The following KIF13A variants were observed in gnomAD, a reference collection of about 807,000 sequenced individuals.
KIF13A encodes the protein kinesin family member 13A.
A neutral mutation model predicts 212.2 loss-of-function variants in KIF13A; 79 were observed. That is an observed-to-expected ratio of 0.37 (90% CI 0.31 to 0.45). The LOEUF (loss-of-function observed/expected upper bound fraction) is 0.45, where lower values mean the gene tolerates loss of function less well. Among genes scored for constraint, KIF13A ranks in the 20% least tolerant of loss-of-function variants. The pLI is 1.00. For missense variants in KIF13A, 1,901 were observed against 2,209.0 expected (o/e 0.86, Z 2.79); for synonymous variants, 789 against 808.6 (o/e 0.98, Z 0.41).
At chr6:17,877,588 A>T (rs891987180) in intron 3 of KIF13A, among the ~76,000 whole-genome samples, 1 of 151,978 alleles carries the variant, frequency 6.6e-6, no homozygotes, top group African/African-American at 2.4e-5. Flanking sequence ...TTTCCAGGAC[A>T]TTTCCCTTTT....
At position 17,768,621 on chromosome 6, in the gene KIF13A, T is replaced by C. The variant is rs1222659652; in HGVS notation, c.4581+2493A>G. Among the ~76,000 whole-genome samples, 1 of 152,228 alleles carries C rather than the reference T, an allele frequency of 6.6e-6. No individual in the cohort carries two copies. Among genetic ancestry groups the C allele is most frequent in the Admixed American group, 6.5e-5 (1 of 15,282 alleles). On this transcript the variant is annotated intron_variant, in intron 38 of 38. Coordinates refer to ENST00000259711, the MANE Select transcript of KIF13A (RefSeq NM_022113.6). This position sits in a 1 kb window ranked among gnomAD's most constrained non-coding sequence, Gnocchi z 5.4. ...TATATTTGAAAGCACCTGGAGTCAC[T>C]GGAGTCCCCTTAATTATGCTGAGGA...
At chr6:17,986,767 A>G (rs1198165539) in intron 2 of KIF13A, among the ~76,000 whole-genome samples, 2 of 152,154 alleles carry the variant, frequency 1.3e-5, no homozygotes, top group Admixed American at 6.5e-5. Context: ...CGAATCACCT[A>G]TGGGGTCCCA....
chr6:17,954,937 C>T (rs116124298), intron 2 of KIF13A, among the ~76,000 whole-genome samples: 5,086 of 152,204 alleles, frequency 0.033, 192 homozygotes, highest in African/African-American at 0.088. Flanking sequence ...CCTTGGCCTC[C>T]TAAAGCACTG....
At chr6:17,806,000 G>A (rs1193026367) in intron 18 of KIF13A, among the ~76,000 whole-genome samples, 1 of 150,476 alleles carries the variant, frequency 6.6e-6, no homozygotes, top group Non-Finnish European at 1.5e-5. Context: ...GTGCACTGCA[G>A]CCTTGACCTC....
intron 2 of KIF13A, among the ~76,000 whole-genome samples, chr6:17,981,271 TAA>T (rs1033889044): frequency 2.0e-5 from 3 of 152,038 alleles, no homozygotes; most frequent in African/African-American, 2.4e-5. Context: ...TGCATACAGT[TAA>T]GAGTATTTTT....
intron 33 of KIF13A, among the ~76,000 whole-genome samples, chr6:17,778,611 A>AT (rs995252266): frequency 1.3e-5 from 2 of 152,184 alleles, no homozygotes; most frequent in Non-Finnish European, 2.9e-5. Context: ...TAGCTGTGTA[A>AT]CCATGGGTGA....
At position 17,912,053 on chromosome 6, in the gene KIF13A, C is replaced by T. The variant is rs143179954; in HGVS notation, c.147-13873G>A. Among the ~76,000 whole-genome samples, 164 of 151,914 alleles carry T rather than the reference C, an allele frequency of 1.1e-3. No individual in the cohort carries two copies. Among genetic ancestry groups the T allele is most frequent in the African/African-American group, 3.8e-3 (156 of 41,450 alleles). The stretch of plus-strand genomic sequence containing the variant: ...TGCTGGGATTACAGGCATGAGGCAC[C>T]GGCCATCAATAATAATTTAACTGTA... On this transcript the variant is annotated intron_variant, in intron 2 of 38. Transcript: ENST00000259711. This position sits in a 1 kb window ranked among gnomAD's most constrained non-coding sequence, Gnocchi z 4.2.
intron 2 of KIF13A, among the ~76,000 whole-genome samples, chr6:17,981,437 T>G (rs1211550975): frequency 1.2e-4 from 18 of 149,880 alleles, no homozygotes; most frequent in Non-Finnish European, 3.0e-5. Context: ...TTTTTTTTTT[T>G]TTTTTTGAGA....
intron 38 of KIF13A, among the ~76,000 whole-genome samples, chr6:17,770,107 C>G (rs1759357167): frequency 6.6e-6 from 1 of 152,174 alleles, no homozygotes; most frequent in Non-Finnish European, 1.5e-5. Context: ...AGTTAGTTCT[C>G]ACACAGTGTG....
chr6:17,970,670 T>C (rs1779740661), intron 2 of KIF13A, among the ~76,000 whole-genome samples: 1 of 152,204 alleles, frequency 6.6e-6, no homozygotes, highest in African/African-American at 2.4e-5. Context: ...GGCCTGGCCA[T>C]GAGTGTTAAT....
chr6:17,858,903 A>G (rs1460899246), intron 4 of KIF13A, among the ~76,000 whole-genome samples: 2 of 150,720 alleles, frequency 1.3e-5, no homozygotes, highest in Admixed American at 6.6e-5. Flanking sequence ...TAACTTGAAA[A>G]AAAGCCCAAC....
At chr6:17,862,676 T>C (rs1008274403) in intron 4 of KIF13A, among the ~76,000 whole-genome samples, 1 of 152,036 alleles carries the variant, frequency 6.6e-6, no homozygotes, top group South Asian at 2.1e-4. Context: ...GAGCCGGGCA[T>C]GGTGGTTCAT....
intron 3 of KIF13A, among the ~76,000 whole-genome samples, chr6:17,876,852 A>T (rs1770607635): frequency 6.6e-6 from 1 of 152,142 alleles, no homozygotes. Flanking sequence ...CCAGACTGGT[A>T]TCAAACTCTT....
At chr6:17,798,827 T>C (rs549403220) in intron 22 of KIF13A, among the ~76,000 whole-genome samples, 63 of 152,338 alleles carry the variant, frequency 4.1e-4, no homozygotes, top group African/African-American at 1.4e-3. Context: ...CATTAGAATG[T>C]AATGCTATAT....
At chr6:17,941,104 C>T (rs927614340) in intron 2 of KIF13A, among the ~76,000 whole-genome samples, 2 of 152,126 alleles carry the variant, frequency 1.3e-5, no homozygotes, top group Non-Finnish European at 2.9e-5. Flanking sequence ...GGATTACAGG[C>T]GTGAGCCATT....
intron 2 of KIF13A, among the ~76,000 whole-genome samples, chr6:17,979,141 A>G (rs1044367634): frequency 2.6e-5 from 4 of 152,164 alleles, no homozygotes; most frequent in African/African-American, 9.7e-5. Flanking sequence ...AAAAATACAA[A>G]AATTAGCCAG....
At chr6:17,790,847 C>T (rs1761472207) in intron 25 of KIF13A, among the ~76,000 whole-genome samples, 1 of 152,170 alleles carries the variant, frequency 6.6e-6, no homozygotes, top group Admixed American at 6.5e-5. Flanking sequence ...GGTCAGTACT[C>T]TCTATTGACC....
chr6:17,808,108 T>C (rs1763130768), intron 18 of KIF13A, among the ~76,000 whole-genome samples: 1 of 152,190 alleles, frequency 6.6e-6, no homozygotes, highest in Non-Finnish European at 1.5e-5. Flanking sequence ...CATAGCAGGC[T>C]GGGCACAGTG....
Position 17,987,082 on chromosome 6 carries a change from G to A in KIF13A, c.118C>T (p.Pro40Ser), listed in dbSNP as rs1266700093. 5 of 1,613,692 alleles carry A rather than the reference G, an allele frequency of 3.1e-6. No individual in the cohort carries two copies. The highest frequency in any genetic ancestry group is 2.2e-5 in the South Asian group (2 of 91,066). Reference protein sequence around the residue: ...MEGNQTVLHPPPSNTKQGERK... With the variant: ...MEGNQTVLHPSPSNTKQGERK... ...TCTCCCTGTTTGGTGTTAGAAGGAG[G>A]AGGGTGCAGGACCGTTTGATTCCCT... The change falls in exon 2 of 39, where the codon CCT becomes TCT. Residue 40 changes from proline to serine, a missense_variant. Around this residue, in one of 5 missense-constraint regions of KIF13A, gnomAD observed 506 missense variants for 637.4 expected, o/e 0.79. Coordinates refer to ENST00000259711, the MANE Select transcript of KIF13A (RefSeq NM_022113.6). The surrounding 1 kb of genome is among the most constrained non-coding windows in gnomAD (Gnocchi z 7.7).
Sources: allele counts gnomAD v4.1 joint callset (sites outside exome capture counted in the v4.1 genomes callset), GRCh38; gene constraint gnomAD v4.1.1; regional missense constraint gnomAD v4.1.1; non-coding constraint Gnocchi (gnomAD v3.1); transcripts MANE v1.5; gene names NCBI Gene and HGNC (gene_info 2026-07-23, HGNC 2026-07-21).